The following ROCK1 variants were observed in gnomAD, a reference collection of about 807,000 sequenced individuals.
The protein encoded by ROCK1 is Rho associated coiled-coil containing protein kinase 1, also known as rho-associated protein kinase 1.
A neutral mutation model predicts 196.8 loss-of-function variants in ROCK1; 36 were observed. The observed-to-expected ratio is 0.18, with a 90% CI of 0.14 to 0.24. The LOEUF is 0.24. Among genes scored for constraint, ROCK1 ranks in the 10% least tolerant of loss-of-function variants. The pLI is 1.00. For synonymous variants in ROCK1, 443 were observed against 515.9 expected, an observed-to-expected ratio of 0.86 and a Z score of 1.91; for missense variants, 920 against 1,562.0, an observed-to-expected ratio of 0.59 and a Z score of 6.93.
In ROCK1 at chr18:20,951,403, G is replaced by A; in HGVS notation, c.4062-16C>T. On this transcript the variant is annotated splice_polypyrimidine_tract_variant and intron_variant, in intron 32 of 32. Coordinates refer to ENST00000399799, the MANE Select transcript of ROCK1 (RefSeq NM_005406.3). ...ACATGGTTAACTGTTGAGGGAGGGG[G>A]AAAAAACTAATTTAAGAAATGCACT... The A allele has an allele frequency of 3.8e-6, 6 of 1,584,280 alleles. No individual in the cohort carries two copies. The highest frequency in any genetic ancestry group is 1.8e-5 in the Admixed American group (1 of 56,540).
intron 8 of ROCK1, among the ~76,000 whole-genome samples, chr18:21,040,171 A>T (rs1213510689): frequency 2.0e-5 from 3 of 152,188 alleles, no homozygotes; most frequent in Admixed American, 6.5e-5. Flanking sequence ...ATAAAGCACC[A>T]TGCATTTTCT....
intron 9 of ROCK1, among the ~76,000 whole-genome samples, chr18:21,032,537 C>T (rs2036018014): frequency 1.4e-5 from 2 of 139,412 alleles, no homozygotes; most frequent in African/African-American, 2.8e-5. Flanking sequence ...GACAGAGTCT[C>T]AAAAACACCC....
intron 4 of ROCK1, among the ~76,000 whole-genome samples, chr18:21,045,916 T>TG (rs2036153291): frequency 7.3e-6 from 1 of 136,534 alleles, no homozygotes; most frequent in South Asian, 2.5e-4. Context: ...TTTTTTTTTT[T>TG]TTTTTTTTTT....
At chr18:20,990,652 C>T (rs113901401) in intron 18 of ROCK1, among the ~76,000 whole-genome samples, 19,858 of 126,738 alleles carry the variant, frequency 0.16, 3,183 homozygotes, top group African/African-American at 0.42. Context: ...AAGATCACAC[C>T]ATTGCACTCC....
At chr18:21,054,850 CATAATT>C (rs1310943448) in intron 2 of ROCK1, among the ~76,000 whole-genome samples, 2 of 152,084 alleles carry the variant, frequency 1.3e-5, no homozygotes, top group South Asian at 2.1e-4. Flanking sequence ...TGTCATTACT[CATAATT>C]ATAATCTTCC....
In ROCK1 at chr18:20,951,214, A is replaced by G. The variant is rs561818965; in HGVS notation, c.*170T>C. ...CTACCTGTAGGCAAACCCGCAATAA[A>G]AAAAACCCTCAGTGTGTTGTGCCAA... On this transcript the variant is annotated 3_prime_UTR_variant, in exon 33 of 33. Transcript: ENST00000399799. 8.1e-6 allele frequency: 4 copies of G among 495,000 alleles called. No homozygotes were observed. The South Asian group carries it at 1.9e-4, about 23-fold the overall frequency. 30.7% of individuals were successfully genotyped at this position (495,000 alleles called of 1,614,324 possible).
intron 1 of ROCK1, among the ~76,000 whole-genome samples, chr18:21,073,188 A>G (rs1300802547): frequency 6.6e-6 from 1 of 151,866 alleles, no homozygotes; most frequent in African/African-American, 2.4e-5. Context: ...ATAGTTGAAC[A>G]AGGGTAGTAG....
At chr18:21,006,656 AT>A in intron 15 of ROCK1, 42 bp downstream of exon 15, 1 of 1,584,164 alleles carries the variant, frequency 6.3e-7, no homozygotes, top group Middle Eastern at 1.7e-4. Context: ...TAATTTAATT[AT>A]CTACAATTTT....
At chr18:21,028,686 T>C (rs2035981876) in intron 10 of ROCK1, 90 bp downstream of exon 10, 4 of 1,118,462 alleles carry the variant, frequency 3.6e-6, no homozygotes, top group South Asian at 3.3e-5. Context: ...TATCTTTATA[T>C]AGCATTAAAT....
At chr18:20,992,076 G>C (rs2035631714) in intron 17 of ROCK1, among the ~76,000 whole-genome samples, 1 of 152,128 alleles carries the variant, frequency 6.6e-6, no homozygotes, top group Non-Finnish European at 1.5e-5. Context: ...GCAAGTCATT[G>C]ATATAGAAAG....
Position 21,063,397 on chromosome 18 carries a change from G to T in ROCK1, c.175+7135C>A, listed in dbSNP as rs531396730. On this transcript the variant is annotated intron_variant, in intron 2 of 32. Coordinates refer to ENST00000399799, the MANE Select transcript of ROCK1 (RefSeq NM_005406.3). The stretch of plus-strand genomic sequence containing the variant: ...AACCAAGAGGTTAGGGAACAAAAAT[G>T]AAGGCTTATTTGAAATTTAAAGGAT... Among the ~76,000 whole-genome samples, 43 of 152,304 alleles carry T rather than the reference G, an allele frequency of 2.8e-4. 1 individual carries two copies. The East Asian group carries it at 8.1e-3, about 29-fold the overall frequency.
intron 2 of ROCK1, among the ~76,000 whole-genome samples, chr18:21,060,296 G>A (rs1343396312): frequency 6.6e-6 from 1 of 152,150 alleles, no homozygotes; most frequent in African/African-American, 2.4e-5. Flanking sequence ...AGAAATATAA[G>A]TTAGATTTCA....
chr18:21,004,603 G>A (rs1474517638), intron 16 of ROCK1, among the ~76,000 whole-genome samples: 5 of 152,202 alleles, frequency 3.3e-5, no homozygotes, highest in Admixed American at 2.0e-4. Flanking sequence ...GTACATGGAT[G>A]ATCTCTGCCT....
At chr18:20,958,835 G>C (rs1330355445) in intron 29 of ROCK1, among the ~76,000 whole-genome samples, 13 of 134,698 alleles carry the variant, frequency 9.7e-5, no homozygotes, top group Non-Finnish European at 1.5e-5. Context: ...ATTTTTTAAA[G>C]AAATTTCTAT....
intron 20 of ROCK1, among the ~76,000 whole-genome samples, chr18:20,983,394 T>C (rs2035550777): frequency 2.0e-5 from 3 of 151,128 alleles, no homozygotes; most frequent in African/African-American, 4.9e-5. Flanking sequence ...GGAACGCAGA[T>C]AGACAACTGC....
rs2035184631 is a variant in ROCK1, at chr18:20,951,296, G to T, written c.*88C>A. 8.2e-7 allele frequency: 1 copy of T among 1,217,596 alleles called. No individual in the cohort carries two copies. Among genetic ancestry groups the T allele is most frequent in the Non-Finnish European group, 1.2e-6 (1 of 863,916 alleles). 75.4% of individuals were successfully genotyped at this position (1,217,596 alleles called of 1,614,324 possible). A position where few individuals can be genotyped will look rare whatever the true frequency, so the allele number is the denominator to read the frequency against. On this transcript the variant is annotated 3_prime_UTR_variant, in exon 33 of 33. Coordinates refer to ENST00000399799, the MANE Select transcript of ROCK1 (RefSeq NM_005406.3). ...TGAAGCCTGTGATATTTGTGTCAAAGAAACAGCCTGTCTGCTCTGCATGGT... is the reference window on the plus strand; with the variant it reads ...TGAAGCCTGTGATATTTGTGTCAAATAAACAGCCTGTCTGCTCTGCATGGT...
intron 12 of ROCK1, among the ~76,000 whole-genome samples, chr18:21,016,997 C>T (rs2035868404): frequency 6.6e-6 from 1 of 151,942 alleles, no homozygotes; most frequent in Non-Finnish European, 1.5e-5. Flanking sequence ...GGTCTCTTAC[C>T]TCACGGCCTT....
At chr18:21,054,322 CTTT>C (rs930645331) in intron 2 of ROCK1, among the ~76,000 whole-genome samples, 2 of 151,772 alleles carry the variant, frequency 1.3e-5, no homozygotes, top group African/African-American at 4.8e-5. Flanking sequence ...ATTCTTTTGA[CTTT>C]TTTTTCAATC....
At chr18:20,954,753 T>C (rs1216018545) in intron 31 of ROCK1, 30 bp downstream of exon 31, 1 of 1,549,650 alleles carries the variant, frequency 6.5e-7, no homozygotes, top group Non-Finnish European at 8.7e-7. Context: ...AAATTTGTTA[T>C]AAGTTGTAAC....
Sources: gnomAD v4.1 joint callset for allele counts (sites outside exome capture counted in the v4.1 genomes callset) on GRCh38, gnomAD v4.1.1 for gene constraint, MANE v1.5 for transcripts, NCBI Gene and HGNC (gene_info 2026-07-23, HGNC 2026-07-21) for gene names.